Variants in MTAP observed in about 807,000 individuals in gnomAD.
The protein encoded by MTAP is S-methyl-5'-thioadenosine phosphorylase.
In MTAP, 33 loss-of-function variants were observed where a neutral mutation model predicts 33.6. The observed-to-expected ratio is 0.98, with a 90% CI of 0.74 to 1.31. The LOEUF (loss-of-function observed/expected upper bound fraction) is 1.31, where lower values mean the gene tolerates loss of function less well. MTAP is among the 40% of genes most tolerant of loss of function. The probability of loss-of-function intolerance (pLI) is 0.00; values close to 1 mark genes in which losing one functional copy is unlikely to be tolerated. For synonymous variants in MTAP, 148 were observed against 125.7 expected (o/e 1.18, Z -1.19); for missense variants, 367 against 360.0 (o/e 1.02, Z -0.16).
At chr9:21,815,825 A>T (rs1358030248) in intron 2 of MTAP, among the ~76,000 whole-genome samples, 3 of 152,232 alleles carry the variant, frequency 2.0e-5, no homozygotes, top group African/African-American at 7.2e-5. Flanking sequence ...GTACTTTTCA[A>T]ATCTACATTC....
Position 21,863,782 on chromosome 9 carries a change from G to A in MTAP, c.*1768G>A, listed in dbSNP as rs368402831. ...TATTTAAAGAGTTTGTAAAGTCAATGTGTTTGTTTGTGTCTCTGAGATTGA... is the reference window on the plus strand; with the variant it reads ...TATTTAAAGAGTTTGTAAAGTCAATATGTTTGTTTGTGTCTCTGAGATTGA... On this transcript the variant is annotated 3_prime_UTR_variant, in exon 8 of 8. Coordinates refer to ENST00000644715, the MANE Select transcript of MTAP (RefSeq NM_002451.4). 9 of 985,738 alleles carry A rather than the reference G, an allele frequency of 9.1e-6. No homozygotes were observed. The African/African-American group carries it at 1.6e-4, about 17-fold the overall frequency. The allele number at this position is 985,738 out of a possible 1,614,324, so 61.1% of individuals were successfully genotyped here.
intron 1 of MTAP, among the ~76,000 whole-genome samples, chr9:21,804,424 T>G (rs1253781701): frequency 2.0e-5 from 3 of 152,232 alleles, no homozygotes; most frequent in African/African-American, 7.2e-5. Context: ...TGCATTTAAG[T>G]GCAGAATGGG....
chr9:21,900,575 A>G (rs910477358), intron 1 of MTAP, among the ~76,000 whole-genome samples: 3 of 152,226 alleles, frequency 2.0e-5, no homozygotes, highest in Non-Finnish European at 4.4e-5. Flanking sequence ...TGGGAATGTA[A>G]ATTAGTTCAG....
chr9:21,923,351 G>T (rs1440375831), intron 1 of MTAP, among the ~76,000 whole-genome samples: 1 of 152,148 alleles, frequency 6.6e-6, no homozygotes, highest in Non-Finnish European at 1.5e-5. Flanking sequence ...GGTTCTTTAA[G>T]GATCTCACCT....
Position 21,818,186 on chromosome 9 carries a change from G to C in MTAP, c.331G>C (p.Asp111His), listed in dbSNP as rs747933876. ...TCAGCCCGGCGATATTGTCATTATT[G>C]ATCAGTTCATTGACAGGTAAGCAGT... ...EIQPGDIVII[D>H]QFIDRTTMRP... is the part of the protein sequence containing the mutation. The change falls in exon 4 of 8, where the codon GAT (aspartate) becomes CAT (histidine). Residue 111 changes from aspartate to histidine, a missense_variant. Transcript: ENST00000644715. 4.3e-6 allele frequency: 7 copies of C among 1,613,750 alleles called. No homozygotes were observed. The highest frequency in any genetic ancestry group is 5.9e-6 in the Non-Finnish European group (7 of 1,179,964).
intron 1 of MTAP, among the ~76,000 whole-genome samples, chr9:21,885,199 C>A (rs148055893): frequency 9.9e-5 from 15 of 152,192 alleles, no homozygotes; most frequent in Admixed American, 9.8e-4. Context: ...TCCAGCCATG[C>A]CCACCCAGAG....
At chr9:21,871,342 T>G (rs1020424755), downstream of MTAP, among the ~76,000 whole-genome samples, 4 of 152,192 alleles carry the variant, frequency 2.6e-5, no homozygotes, top group Non-Finnish European at 4.4e-5. Context: ...CCTCCTTGTC[T>G]CTGGCCTTTT....
At chr9:21,853,161 C>G (rs1313541186) in intron 5 of MTAP, among the ~76,000 whole-genome samples, 1 of 152,150 alleles carries the variant, frequency 6.6e-6, no homozygotes, top group Non-Finnish European at 1.5e-5. Flanking sequence ...GCCAGAGTGA[C>G]AGTGAGGACT....
chr9:21,813,020 C>T (rs1316932435), intron 1 of MTAP, among the ~76,000 whole-genome samples: 1 of 152,226 alleles, frequency 6.6e-6, no homozygotes, highest in Non-Finnish European at 1.5e-5. Flanking sequence ...GTGCCTTTAA[C>T]ATGTAAGTCC....
At chr9:21,912,513 C>T (rs1818595961) in intron 1 of MTAP, among the ~76,000 whole-genome samples, 1 of 152,158 alleles carries the variant, frequency 6.6e-6, no homozygotes, top group Non-Finnish European at 1.5e-5. Context: ...ACCATATAAA[C>T]ATAACCAAAG....
intron 6 of MTAP, 133 bp downstream of exon 6, chr9:21,855,003 C>T (rs1825603929): frequency 8.2e-7 from 1 of 1,224,064 alleles, no homozygotes; most frequent in East Asian, 2.4e-5. Flanking sequence ...TTAATATTTT[C>T]TGTAGTTCCA....
chr9:21,932,999 A>C (rs1381040238), downstream of MTAP: 1 of 152,266 alleles, frequency 6.6e-6, no homozygotes, highest in Non-Finnish European at 1.5e-5. Flanking sequence ...CCTCAGAATA[A>C]ACCAGCTGGG....
Position 21,862,077 on chromosome 9 carries a change from C to T in MTAP, c.*63C>T. On this transcript the variant is annotated 3_prime_UTR_variant, in exon 8 of 8. Transcript: ENST00000644715. ...ATTCCAGTCATTTTGGGAATTCCTGCTTAACTTGAAAAAAATATGGGAAAG... is the reference window on the plus strand; with the variant it reads ...ATTCCAGTCATTTTGGGAATTCCTGTTTAACTTGAAAAAAATATGGGAAAG... 1.2e-6 allele frequency: 2 copies of T among 1,606,382 alleles called. No individual in the cohort carries two copies. The highest frequency in any genetic ancestry group is 1.7e-4 in the Middle Eastern group (1 of 6,004).
intron 1 of MTAP, among the ~76,000 whole-genome samples, chr9:21,891,386 T>C (rs981216244): frequency 7.9e-5 from 12 of 152,230 alleles, no homozygotes; most frequent in Non-Finnish European, 7.4e-5. Context: ...CCAAGGAATC[T>C]AAGGAATACA....
chr9:21,923,773 C>T (rs1233734214), intron 1 of MTAP, among the ~76,000 whole-genome samples: 5 of 151,946 alleles, frequency 3.3e-5, no homozygotes, highest in Admixed American at 3.3e-4. Flanking sequence ...GAAAAACAAG[C>T]TTCTCATCTA....
intron 1 of MTAP, among the ~76,000 whole-genome samples, chr9:21,881,034 CAG>C (rs1818003218): frequency 2.6e-5 from 4 of 151,990 alleles, no homozygotes; most frequent in Admixed American, 1.3e-4. Context: ...GTAATCAAAA[CAG>C]TGTGGTACTG....
intron 4 of MTAP, among the ~76,000 whole-genome samples, chr9:21,831,379 C>G (rs551224734): frequency 6.6e-6 from 1 of 152,188 alleles, no homozygotes; most frequent in South Asian, 2.1e-4. Flanking sequence ...CTCTGTTGCC[C>G]GGGGTAGAGT....
downstream of MTAP, among the ~76,000 whole-genome samples, chr9:21,939,182 C>T (rs995740601): frequency 1.8e-4 from 27 of 152,288 alleles, no homozygotes; most frequent in Admixed American, 1.2e-3. Flanking sequence ...TTTCAGCTCC[C>T]GCCATAATTC....
rs563100379 is a variant in MTAP at position 21,860,471 on chromosome 9, C to G, written c.813+1046C>G. 3.3e-5 allele frequency: 5 copies of G among 152,274 alleles called. No individual in the cohort carries two copies. In the South Asian group the frequency reaches 1.0e-3, roughly 32 times the overall value. 9.4% of individuals were successfully genotyped at this position (152,274 alleles called of 1,614,324 possible). A position where few individuals can be genotyped will look rare whatever the true frequency, so the allele number is the denominator to read the frequency against. On this transcript the variant is annotated intron_variant, in intron 7 of 7. Coordinates refer to ENST00000644715, the MANE Select transcript of MTAP (RefSeq NM_002451.4). ...TGGAATTTGTAGCTTATCTTCCCTA[C>G]TAAGAAACAAATCTATTGGTTTCAA... is the stretch of plus-strand genomic sequence containing the variant.
Sources: gnomAD v4.1 joint callset for allele counts (sites outside exome capture counted in the v4.1 genomes callset) on GRCh38, gnomAD v4.1.1 for gene constraint, MANE v1.5 for transcripts, NCBI Gene and HGNC (gene_info 2026-07-23, HGNC 2026-07-21) for gene names.